SIPA1: variants seen among roughly 807,000 people sequenced by gnomAD.
The protein encoded by SIPA1 is signal-induced proliferation-associated protein 1.
Under a neutral mutation model 88.1 loss-of-function variants are expected in SIPA1, and 51 were observed. The observed-to-expected ratio is 0.58, with a 90% CI of 0.46 to 0.73. The LOEUF (loss-of-function observed/expected upper bound fraction) is 0.73, where lower values mean the gene tolerates loss of function less well. Ranked by LOEUF, SIPA1 falls within the 30% of genes least tolerant of loss-of-function variation. The probability of loss-of-function intolerance (pLI) is 0.00; values close to 1 mark genes in which losing one functional copy is unlikely to be tolerated. For missense variants in SIPA1, 1,348 were observed against 1,467.6 expected, an observed-to-expected ratio of 0.92 and a Z score of 1.33; for synonymous variants, 681 against 664.8, an observed-to-expected ratio of 1.02 and a Z score of -0.37.
rs1856209649 is a variant in SIPA1, at chr11:65,649,435, A to G, written c.2480A>G (p.Glu827Gly). Reference protein sequence around the residue: ...SPPGPGDLAEERTEFLHSQNS... With the variant: ...SPPGPGDLAEGRTEFLHSQNS... ...CCAGGGCCTGGGGATCTGGCCGAGG[A>G]GAGGACTGAGTTCCTGCACAGCCAG... Residue 827 changes from glutamate to glycine, a missense_variant, in exon 10 of 16, where the codon GAG (glutamate) becomes GGG (glycine). Glu to Gly is a moderately conservative substitution (Grantham distance 98, BLOSUM62 -2). This residue lies in a region of SIPA1 where 615 missense variants were observed against 559.8 expected (regional missense o/e 1.10). Transcript: ENST00000534313. The G allele has an allele frequency of 1.2e-6, 2 of 1,605,538 alleles. No homozygotes were observed. The highest frequency in any genetic ancestry group is 1.7e-6 in the Non-Finnish European group (2 of 1,175,976).
At chr11:65,643,824 C>T (rs1014907058) in intron 4 of SIPA1, among the ~76,000 whole-genome samples, 28 of 148,412 alleles carry the variant, frequency 1.9e-4, no homozygotes, top group African/African-American at 5.5e-4. Flanking sequence ...TGGGGAGGGG[C>T]GGGGGAGAAG....
Position 65,647,406 on chromosome 11 carries a change from C to G in SIPA1, c.2054C>G (p.Thr685Ser). 6.8e-7 allele frequency: 1 copy of G among 1,463,854 alleles called. No homozygotes were observed. Among genetic ancestry groups the G allele is most frequent in the Non-Finnish European group, 9.0e-7 (1 of 1,115,460 alleles). The allele number at this position is 1,463,854 out of a possible 1,614,324, so 90.7% of individuals were successfully genotyped here. A position where few individuals can be genotyped will look rare whatever the true frequency, so the allele number is the denominator to read the frequency against. ...CAGCTGGTGAGCCGTGGCTGCGAGA[C>G]CCGCGAGCTGGCGCTGCCCCGCGAC... is the stretch of plus-strand genomic sequence containing the variant. ...RLQLVSRGCE[T>S]RELALPRDGQ... The change falls in exon 9 of 16, where the codon ACC becomes AGC. Residue 685 changes from threonine (T) to serine (S), a missense_variant. Physicochemically the swap from Thr to Ser is moderately conservative, Grantham distance 58. Coordinates refer to ENST00000534313, the MANE Select transcript of SIPA1 (RefSeq NM_006747.4).
Position 65,642,701 on chromosome 11 carries a change from C to T in SIPA1, c.984+62C>T. On this transcript the variant is annotated intron_variant, in intron 4 of 15. Transcript: ENST00000534313. This position sits in a 1 kb window ranked among gnomAD's most constrained non-coding sequence, Gnocchi z 6.5. ...TGGCCCCAGTCTGAACCCAGCCTGC[C>T]CAGCTCCCAAACCCCTAGCCTTGAC... 1.8e-5 allele frequency: 25 copies of T among 1,414,376 alleles called. No homozygotes were observed. Among genetic ancestry groups the T allele is most frequent in the Non-Finnish European group, 2.3e-5 (25 of 1,070,812 alleles). The allele number at this position is 1,414,376 out of a possible 1,614,324, so 87.6% of individuals were successfully genotyped here. A position where few individuals can be genotyped will look rare whatever the true frequency, so the allele number is the denominator to read the frequency against.
In SIPA1 at chr11:65,641,034, C is replaced by A. The variant is rs774759328; in HGVS notation, c.113C>A (p.Pro38Gln). 6.3e-7 allele frequency: 1 copy of A among 1,592,014 alleles called. No individual in the cohort carries two copies. The highest frequency in any genetic ancestry group is 2.3e-5 in the East Asian group (1 of 44,314). Residue 38 changes from proline (P) to glutamine (Q), a missense_variant, in exon 2 of 16, where the codon CCG (proline) becomes CAG (glutamine). Physicochemically the swap from Pro to Gln is moderately conservative, Grantham distance 76. This residue lies in a region of SIPA1 where 641 missense variants were observed against 797.7 expected (regional missense o/e 0.80). Transcript: ENST00000534313. ...CAGCCAGCAAGGCCCCCGCTGACAC[C>A]GCACACCTTCGAGCCGAGGCCAGTC... ...LRQPARPPLT[P>Q]HTFEPRPVRG...
In SIPA1 at chr11:65,647,566, C is replaced by T. The variant is rs762306685; in HGVS notation, c.2214C>T (p.Ser738=). ...GCGTGTGCGGCCAGACTCTGCCCAG[C>T]CTCCGGCCCGAGGCCGCTGCCCAGC... is the stretch of plus-strand genomic sequence containing the variant. ...LLRVCGQTLP[S]LRPEAAAQLL... is the part of the protein sequence containing the mutation. Residue 738 remains serine (S), a synonymous_variant, in exon 9 of 16, where the codon AGC becomes AGT. Coordinates refer to ENST00000534313, the MANE Select transcript of SIPA1 (RefSeq NM_006747.4). 7.5e-7 allele frequency: 1 copy of T among 1,334,218 alleles called. No homozygotes were observed. Among genetic ancestry groups the T allele is most frequent in the South Asian group, 1.7e-5 (1 of 59,084 alleles). The allele number at this position is 1,334,218 out of a possible 1,614,324, so 82.6% of individuals were successfully genotyped here. A position where few individuals can be genotyped will look rare whatever the true frequency, so the allele number is the denominator to read the frequency against.
At position 65,646,189 on chromosome 11, in the gene SIPA1, C is replaced by G. The variant is rs1156440446; in HGVS notation, c.1264-32C>G. On this transcript the variant is annotated intron_variant, in intron 6 of 15. Transcript: ENST00000534313. The surrounding 1 kb of genome is among the most constrained non-coding windows in gnomAD (Gnocchi z 7.5). ...AGGAGGGGTTTGGGGCACAGAAGAC[C>G]TCATCACGAGCCCCTACTATCCAAC... 7.5e-6 allele frequency: 12 copies of G among 1,609,902 alleles called. No individual in the cohort carries two copies. Among genetic ancestry groups the G allele is most frequent in the African/African-American group, 1.3e-5 (1 of 74,998 alleles).
At position 65,642,540 on chromosome 11, in the gene SIPA1, T is replaced by G. The variant is rs1308157333; in HGVS notation, c.885T>G (p.Leu295=). 4.4e-6 allele frequency: 7 copies of G among 1,607,034 alleles called. No homozygotes were observed. Among genetic ancestry groups the G allele is most frequent in the Non-Finnish European group, 5.9e-6 (7 of 1,179,102 alleles). ...GPPRGLSPRK[L]LEHVAPQLSP... is the part of the protein sequence containing the mutation. ...CACGGGGTCTGTCCCCAAGGAAACT[T>G]CTGGAGCACGTGGCGCCGCAGCTGA... Residue 295 remains leucine (L), a synonymous_variant, in exon 4 of 16, where the codon CTT becomes CTG. Coordinates refer to ENST00000534313, the MANE Select transcript of SIPA1 (RefSeq NM_006747.4). The surrounding 1 kb of genome is among the most constrained non-coding windows in gnomAD (Gnocchi z 6.5).
chr11:65,645,465 G>A (rs1409458154), intron 5 of SIPA1, among the ~76,000 whole-genome samples: 1 of 152,040 alleles, frequency 6.6e-6, no homozygotes, highest in African/African-American at 2.4e-5. Context: ...CCCCTGGGAG[G>A]TGTTGTACTG....
At chr11:65,643,021 T>C (rs1856040680) in intron 4 of SIPA1, among the ~76,000 whole-genome samples, 1 of 152,108 alleles carries the variant, frequency 6.6e-6, no homozygotes, top group Admixed American at 6.5e-5. Flanking sequence ...GTTCAAGAGA[T>C]TCTCCTGCCT....
chr11:65,650,718 C>G lies in SIPA1; in HGVS notation c.*3C>G. On this transcript the variant is annotated 3_prime_UTR_variant, in exon 16 of 16. Coordinates refer to ENST00000534313, the MANE Select transcript of SIPA1 (RefSeq NM_006747.4). ...CACCCACCGCCGACCTGGCCTGAGC[C>G]GTCTGGAACCACCTGGGCCCCTGAG... 6.4e-7 allele frequency: 1 copy of G among 1,566,704 alleles called. No individual in the cohort carries two copies. The highest frequency in any genetic ancestry group is 8.7e-7 in the Non-Finnish European group (1 of 1,155,858).
rs780837984 is a variant in SIPA1, at chr11:65,641,076, G to A, written c.155G>A (p.Arg52His). The A allele has an allele frequency of 3.8e-5, 61 of 1,599,100 alleles. No individual in the cohort carries two copies. The highest frequency in any genetic ancestry group is 4.7e-5 in the Non-Finnish European group (55 of 1,177,446). ...EPRPVRGPLL[R>H]SGSDAGEARP... ...AGGCCAGTCCGGGGCCCACTCCTGCGCAGCGGCAGCGATGCAGGCGAGGCC... is the reference window on the plus strand; with the variant it reads ...AGGCCAGTCCGGGGCCCACTCCTGCACAGCGGCAGCGATGCAGGCGAGGCC... The change falls in exon 2 of 16, where the codon CGC becomes CAC. Residue 52 changes from arginine (R) to histidine (H), a missense_variant. This residue lies in a region of SIPA1 where 641 missense variants were observed against 797.7 expected (regional missense o/e 0.80). Coordinates refer to ENST00000534313, the MANE Select transcript of SIPA1 (RefSeq NM_006747.4).
In SIPA1 at chr11:65,647,633, C is replaced by T; in HGVS notation, c.2281C>T (p.Pro761Ser). 7.2e-7 allele frequency: 1 copy of T among 1,394,140 alleles called. No homozygotes were observed. Among genetic ancestry groups the T allele is most frequent in the Non-Finnish European group, 9.3e-7 (1 of 1,077,258 alleles). The allele number at this position is 1,394,140 out of a possible 1,614,324, so 86.4% of individuals were successfully genotyped here. ...APKVCVTVLP[P>S]DESGRPRRSF... ...CAAGGTCTGCGTCACCGTCCTGCCCCCCGACGAGAGCGGCCGGCCCCGCAG... is the reference window on the plus strand; with the variant it reads ...CAAGGTCTGCGTCACCGTCCTGCCCTCCGACGAGAGCGGCCGGCCCCGCAG... The change falls in exon 9 of 16, where the codon CCC becomes TCC. Residue 761 changes from proline to serine, a missense_variant. By Grantham distance (74) the Pro-to-Ser change is moderately conservative. Around this residue, in one of 4 missense-constraint regions of SIPA1, gnomAD observed 615 missense variants for 559.8 expected, o/e 1.10. Coordinates refer to ENST00000534313, the MANE Select transcript of SIPA1 (RefSeq NM_006747.4).
At chr11:65,647,306 G>T (rs533036812) in intron 8 of SIPA1, 78 bp from the exon 9 acceptor site, 24 of 1,371,668 alleles carry the variant, frequency 1.7e-5, no homozygotes, top group Admixed American at 1.0e-4. Context: ...GTGTGGCCTG[G>T]GACGCAGTCC....
At position 65,645,052 on chromosome 11, in the gene SIPA1, T is replaced by G; in HGVS notation, c.1082T>G (p.Met361Arg). The G allele has an allele frequency of 6.2e-7, 1 of 1,614,060 alleles. No individual in the cohort carries two copies. Among genetic ancestry groups the G allele is most frequent in the Non-Finnish European group, 8.5e-7 (1 of 1,179,946 alleles). ...AACCAGGAGGCGGGACCGGCCTTCA[T>G]GCAGTTTCTCACCTTGCTGGGCGAT... is the stretch of plus-strand genomic sequence containing the variant. ...YNNQEAGPAF[M>R]QFLTLLGDVV... The change falls in exon 5 of 16, where the codon ATG (methionine) becomes AGG (arginine). Residue 361 changes from methionine to arginine, a missense_variant. This residue lies in a region of SIPA1 where 641 missense variants were observed against 797.7 expected (regional missense o/e 0.80). Transcript: ENST00000534313.
Position 65,646,638 on chromosome 11 carries a change from A to T in SIPA1, c.1604A>T (p.Tyr535Phe). ...ATGGCCACGCGCACCCGCCAGCAGT[A>T]CCTGCAAGACCTGGCCACCAACGAG... ...HAMATRTRQQ[Y>F]LQDLATNEVT... The change falls in exon 8 of 16, where the codon TAC becomes TTC. Residue 535 changes from tyrosine to phenylalanine, a missense_variant. Tyr to Phe is a conservative substitution (Grantham distance 22). This residue lies in a region of SIPA1 where 641 missense variants were observed against 797.7 expected (regional missense o/e 0.80). Transcript: ENST00000534313. The surrounding 1 kb of genome is among the most constrained non-coding windows in gnomAD (Gnocchi z 7.5). 1 of 1,548,180 alleles carries T rather than the reference A, an allele frequency of 6.5e-7. No individual in the cohort carries two copies. Among genetic ancestry groups the T allele is most frequent in the Non-Finnish European group, 8.7e-7 (1 of 1,149,926 alleles).
At chr11:65,640,760 G>A in intron 1 of SIPA1, 71 bp from the exon 2 acceptor site, 4 of 588,126 alleles carry the variant, frequency 6.8e-6, no homozygotes, top group Non-Finnish European at 1.1e-5. Flanking sequence ...ACGGGTGGTG[G>A]AGGACCAGGC....
In SIPA1 at chr11:65,641,580, G is replaced by A. The variant is rs776007644; in HGVS notation, c.659G>A (p.Arg220His). 9 of 1,608,968 alleles carry A rather than the reference G, an allele frequency of 5.6e-6. No homozygotes were observed. The highest frequency in any genetic ancestry group is 2.2e-5 in the East Asian group (1 of 44,830). Residue 220 changes from arginine (R) to histidine (H), a missense_variant, in exon 2 of 16, where the codon CGC (arginine) becomes CAC (histidine). Transcript: ENST00000534313. ...GCAGACCTGGGTGCTGGCTACTACC[G>A]CAAATACTTCTATGGCAAAGGTGAG... ...EHADLGAGYYRKYFYGKEHQN... is the reference protein window; with the variant it reads ...EHADLGAGYYHKYFYGKEHQN...
In SIPA1 at chr11:65,641,563, G is replaced by A. The variant is rs1383532055; in HGVS notation, c.642G>A (p.Leu214=). The stretch of plus-strand genomic sequence containing the variant: ...CCTACAGCCTGGAGCACGCAGACCT[G>A]GGTGCTGGCTACTACCGCAAATACT... ...TSAYSLEHAD[L]GAGYYRKYFY... Residue 214 remains leucine (L), a synonymous_variant, in exon 2 of 16, where the codon CTG becomes CTA. Transcript: ENST00000534313. The A allele has an allele frequency of 6.2e-7, 1 of 1,611,776 alleles. No homozygotes were observed. The highest frequency in any genetic ancestry group is 1.3e-5 in the African/African-American group (1 of 74,938).
At position 65,641,189 on chromosome 11, in the gene SIPA1, A is replaced by C. The variant is rs1351836563; in HGVS notation, c.268A>C (p.Thr90Pro). The C allele has an allele frequency of 6.2e-7, 1 of 1,611,244 alleles. No homozygotes were observed. The highest frequency in any genetic ancestry group is 8.5e-7 in the Non-Finnish European group (1 of 1,179,952). The change falls in exon 2 of 16, where the codon ACT becomes CCT. Residue 90 changes from threonine (T) to proline (P), a missense_variant. Physicochemically the swap from Thr to Pro is conservative, Grantham distance 38. Around this residue, in one of 4 missense-constraint regions of SIPA1, gnomAD observed 641 missense variants for 797.7 expected, o/e 0.80. Transcript: ENST00000534313. ...TGCAGCCACTTCCACCCGGCTCTTC[A>C]CTGACCCGCTGGCACTGCTGGGGCT... ...RPAATSTRLF[T>P]DPLALLGLPA... is the part of the protein sequence containing the mutation.
Sources: allele counts gnomAD v4.1 joint callset (sites outside exome capture counted in the v4.1 genomes callset), GRCh38; gene constraint gnomAD v4.1.1; regional missense constraint gnomAD v4.1.1; non-coding constraint Gnocchi (gnomAD v3.1); transcripts MANE v1.5; gene names NCBI Gene and HGNC (gene_info 2026-07-23, HGNC 2026-07-21).